Variants in TMCO4 observed in about 807,000 individuals in gnomAD.
The protein encoded by TMCO4 is transmembrane and coiled-coil domains 4, also known as transmembrane and coiled-coil domain-containing protein 4.
In TMCO4, 58 loss-of-function variants were observed where a neutral mutation model predicts 64.7. The observed-to-expected ratio is 0.90, with a 90% CI of 0.73 to 1.12. TMCO4 has a LOEUF of 1.12. TMCO4 is among the 50% of genes most tolerant of loss of function. The pLI is 0.00. For synonymous variants in TMCO4, 325 were observed against 346.1 expected (o/e 0.94, Z 0.68); for missense variants, 780 against 825.9 (o/e 0.94, Z 0.68).
intron 15 of TMCO4, among the ~76,000 whole-genome samples, chr1:19,693,391 G>A (rs1285257848): frequency 6.6e-6 from 1 of 152,046 alleles, no homozygotes; most frequent in Non-Finnish European, 1.5e-5. Context: ...ACTGAGGCAG[G>A]AGAATGGCTT....
chr1:19,766,074 G>A (rs1331503873), intron 6 of TMCO4, among the ~76,000 whole-genome samples: 7 of 151,352 alleles, frequency 4.6e-5, no homozygotes, highest in Non-Finnish European at 7.4e-5. Flanking sequence ...CCATGCATCC[G>A]TCAGAAGACA....
chr1:19,748,253 C>G (rs1236898605), intron 7 of TMCO4, among the ~76,000 whole-genome samples: 1 of 152,246 alleles, frequency 6.6e-6, no homozygotes, highest in Non-Finnish European at 1.5e-5. Flanking sequence ...CTGATGTCAT[C>G]ACGATGCTGC....
intron 12 of TMCO4, among the ~76,000 whole-genome samples, chr1:19,737,665 T>C (rs191259907): frequency 1.3e-5 from 2 of 152,372 alleles, no homozygotes; most frequent in Admixed American, 1.3e-4. Context: ...GCTGCTGGAA[T>C]TGGCTTCCTC....
rs148804412 is a variant in TMCO4 at position 19,683,356 on chromosome 1, C to T, written c.1589G>A (p.Gly530Glu). The T allele has an allele frequency of 4.5e-5, 73 of 1,613,850 alleles. No individual in the cohort carries two copies. The African/African-American group carries it at 8.3e-4, about 18-fold the overall frequency. Residue 530 changes from glycine to glutamate, a missense_variant, in exon 16 of 16, where the codon GGG becomes GAG. Physicochemically the swap from Gly to Glu is moderately conservative, Grantham distance 98. Coordinates refer to ENST00000294543, the MANE Select transcript of TMCO4 (RefSeq NM_181719.7). Reference protein sequence around the residue: ...IRTKPGWDEKGLLLAPGCLPS... With the variant: ...IRTKPGWDEKELLLAPGCLPS... ...CAGGCAGCCTGGGGCCAGCAAGAGC[C>T]CCTTCTCGTCCCAGCCTGGCTTGGT...
chr1:19,690,608 C>T (rs2095185530), intron 15 of TMCO4, among the ~76,000 whole-genome samples: 1 of 152,174 alleles, frequency 6.6e-6, no homozygotes, highest in African/African-American at 2.4e-5. Flanking sequence ...GGTGCCCCTG[C>T]TGCAAGTGTG....
At position 19,691,058 on chromosome 1, in the gene TMCO4, C is replaced by T. The variant is rs190827815; in HGVS notation, c.1500+3376G>A. On this transcript the variant is annotated intron_variant, in intron 15 of 15. Coordinates refer to ENST00000294543, the MANE Select transcript of TMCO4 (RefSeq NM_181719.7). ...TAATTTTTTGTATTTTTAGTAGAGA[C>T]GGAGTTTCACTGTGTTAGCCAGGAT... Among the ~76,000 whole-genome samples the T allele has an allele frequency of 5.4e-3, 823 of 152,012 alleles. 3 individuals are homozygous for T. The highest frequency in any genetic ancestry group is 0.018 in the African/African-American group (756 of 41,464).
intron 13 of TMCO4, among the ~76,000 whole-genome samples, chr1:19,725,738 A>G (rs889636304): frequency 3.9e-5 from 6 of 152,204 alleles, no homozygotes; most frequent in African/African-American, 1.4e-4. Context: ...GACCAAAGGC[A>G]CAATCATTTG....
chr1:19,737,551 C>T (rs1570823455), intron 12 of TMCO4, 95 bp from the exon 13 acceptor site: 1 of 1,069,034 alleles, frequency 9.4e-7, no homozygotes, highest in Non-Finnish European at 1.4e-6. Flanking sequence ...CATTCCTTAC[C>T]ACCTGATTCT....
At chr1:19,701,740 G>A (rs764225594) in intron 13 of TMCO4, among the ~76,000 whole-genome samples, 8 of 152,146 alleles carry the variant, frequency 5.3e-5, no homozygotes, top group African/African-American at 1.2e-4. Flanking sequence ...GGGGGGTGAA[G>A]AGGAGAGGGG....
chr1:19,746,742 G>T, intron 8 of TMCO4, 143 bp from the exon 9 acceptor site: 1 of 1,103,636 alleles, frequency 9.1e-7, no homozygotes, highest in Non-Finnish European at 1.3e-6. Context: ...GGCTAACACG[G>T]TGAAACCTCA....
At chr1:19,777,975 G>A (rs1170058867) in intron 4 of TMCO4, among the ~76,000 whole-genome samples, 1 of 152,142 alleles carries the variant, frequency 6.6e-6, no homozygotes, top group African/African-American at 2.4e-5. Context: ...GGAGTTTGAG[G>A]TTACAGTGAG....
At chr1:19,714,978 C>T (rs1288707817) in intron 13 of TMCO4, among the ~76,000 whole-genome samples, 1 of 151,968 alleles carries the variant, frequency 6.6e-6, no homozygotes, top group Admixed American at 6.6e-5. Context: ...TGCAGTGGCT[C>T]ATGCATGTAA....
chr1:19,758,377 C>A (rs1425837866), intron 6 of TMCO4, among the ~76,000 whole-genome samples: 1 of 152,106 alleles, frequency 6.6e-6, no homozygotes, highest in Non-Finnish European at 1.5e-5. Context: ...ACTACTGTGC[C>A]CACGTGATAA....
chr1:19,781,411 G>A (rs2043469087), intron 3 of TMCO4, among the ~76,000 whole-genome samples: 1 of 151,292 alleles, frequency 6.6e-6, no homozygotes, highest in South Asian at 2.1e-4. Flanking sequence ...AGGCTGCAAT[G>A]AGCTATGATC....
chr1:19,700,845 C>A lies in TMCO4; in HGVS notation c.1305G>T (p.Ala435=). The A allele has an allele frequency of 3.1e-6, 5 of 1,614,228 alleles. No individual in the cohort carries two copies. Among genetic ancestry groups the A allele is most frequent in the Non-Finnish European group, 4.2e-6 (5 of 1,180,036 alleles). ...GIIEDVILLG[A]PVEGEAKHWE... ...AATGCTTGGCTTCTCCCTCCACAGGCGCACCCAGCAGGATGACGTCCTCGA... is the reference window on the plus strand; with the variant it reads ...AATGCTTGGCTTCTCCCTCCACAGGAGCACCCAGCAGGATGACGTCCTCGA... The change falls in exon 14 of 16, where the codon GCG becomes GCT. Residue 435 remains alanine (A), a synonymous_variant. Coordinates refer to ENST00000294543, the MANE Select transcript of TMCO4 (RefSeq NM_181719.7).
At chr1:19,789,658 T>C (rs1488635066) in intron 2 of TMCO4, among the ~76,000 whole-genome samples, 10 of 151,928 alleles carry the variant, frequency 6.6e-5, no homozygotes, top group Admixed American at 5.9e-4. Flanking sequence ...AGAAGGGGAG[T>C]GTGTTTTATC....
At chr1:19,781,937 C>T (rs890292814) in intron 3 of TMCO4, among the ~76,000 whole-genome samples, 11 of 152,232 alleles carry the variant, frequency 7.2e-5, no homozygotes, top group African/African-American at 2.2e-4. Context: ...TGAGCCACCA[C>T]GCCTGGCTGC....
At chr1:19,776,889 T>C (rs2043230442) in intron 4 of TMCO4, among the ~76,000 whole-genome samples, 2 of 152,090 alleles carry the variant, frequency 1.3e-5, no homozygotes, top group South Asian at 4.2e-4. Context: ...TAGCCAGGCA[T>C]GGTGGCGTGC....
chr1:19,730,576 T>C (rs1238499984), intron 13 of TMCO4, among the ~76,000 whole-genome samples: 1 of 152,230 alleles, frequency 6.6e-6, no homozygotes, highest in Non-Finnish European at 1.5e-5. Context: ...TCAACACTTA[T>C]TTGAAAGGAA....
Sources: allele counts gnomAD v4.1 joint callset (sites outside exome capture counted in the v4.1 genomes callset), GRCh38; gene constraint gnomAD v4.1.1; transcripts MANE v1.5; gene names NCBI Gene and HGNC (gene_info 2026-07-23, HGNC 2026-07-21).